CHD6: variants seen among roughly 807,000 people sequenced by gnomAD.
CHD6 encodes ATP-dependent chromatin remodeler CHD6.
A neutral mutation model predicts 276.9 loss-of-function variants in CHD6; 50 were observed. That is an observed-to-expected ratio of 0.18 (90% CI 0.14 to 0.23). The LOEUF is 0.23. CHD6 is among the 10% of genes least tolerant of loss of function. The pLI is 1.00. For synonymous variants in CHD6, 1,173 were observed against 1,229.3 expected (o/e 0.95, Z 0.96); for missense variants, 2,564 against 3,365.8 (o/e 0.76, Z 5.89).
chr20:41,489,644 C>G lies in CHD6; in HGVS notation c.1680+134G>C, dbSNP rs1395709786. On this transcript the variant is annotated intron_variant, in intron 12 of 36. Transcript: ENST00000373233. ...AGCTACCAGGGAGAGCAGGAGTCAGCCTTGACAAACATATTACAAAGTCAT... is the reference window on the plus strand; with the variant it reads ...AGCTACCAGGGAGAGCAGGAGTCAGGCTTGACAAACATATTACAAAGTCAT... 4.3e-6 allele frequency: 5 copies of G among 1,154,596 alleles called. No individual in the cohort carries two copies. The African/African-American group carries it at 7.6e-5, about 18-fold the overall frequency. The allele number at this position is 1,154,596 out of a possible 1,614,324, so 71.5% of individuals were successfully genotyped here. A position where few individuals can be genotyped will look rare whatever the true frequency, so the allele number is the denominator to read the frequency against.
chr20:41,449,155 G>C (rs1419671215), intron 23 of CHD6, among the ~76,000 whole-genome samples: 1 of 152,102 alleles, frequency 6.6e-6, no homozygotes, highest in African/African-American at 2.4e-5. Flanking sequence ...CACCCGCCCC[G>C]GCCTCCCAAA....
intron 3 of CHD6, among the ~76,000 whole-genome samples, chr20:41,525,108 C>T (rs1427777857): frequency 1.3e-5 from 2 of 152,156 alleles, no homozygotes; most frequent in African/African-American, 2.4e-5. Flanking sequence ...CAAGCCTCGC[C>T]CCTGAATAGG....
chr20:41,561,791 C>T (rs553028345), intron 1 of CHD6, among the ~76,000 whole-genome samples: 3 of 152,176 alleles, frequency 2.0e-5, no homozygotes, highest in Non-Finnish European at 4.4e-5. Flanking sequence ...TGTTCTATTC[C>T]TTCCACCACT....
rs144907115 is a variant in CHD6 at position 41,446,147 on chromosome 20, G to C, written c.3774-379C>G. Among the ~76,000 whole-genome samples the C allele has an allele frequency of 2.8e-3, 426 of 152,288 alleles. 2 individuals carry two copies. Among genetic ancestry groups the C allele is most frequent in the Middle Eastern group, 0.024 (7 of 294 alleles). ...ACATCTGAAGGTAGAGCTTCCCCAA[G>C]AGTTGAATTCATACATGATTGTATG... On this transcript the variant is annotated intron_variant, in intron 24 of 36. Transcript: ENST00000373233.
chr20:41,474,844 G>C (rs540810422), intron 16 of CHD6, among the ~76,000 whole-genome samples: 1 of 152,264 alleles, frequency 6.6e-6, no homozygotes, highest in Non-Finnish European at 1.5e-5. Flanking sequence ...AGACTTATAA[G>C]GGACATGTAT....
rs1359864742 is a variant in CHD6 at position 41,415,583 on chromosome 20, T to A, written c.6542A>T (p.Tyr2181Phe). The change falls in exon 34 of 37, where the codon TAT becomes TTT. Residue 2181 changes from tyrosine to phenylalanine, a missense_variant. Physicochemically the swap from Tyr to Phe is conservative, Grantham distance 22. Coordinates refer to ENST00000373233, the MANE Select transcript of CHD6 (RefSeq NM_032221.5). Reference sequence around the variant, plus strand: ...TGCATCCCTCTCCACCTCAAACTCATAGGGACGCCTGTGCTTTTGTTCATC... The same window carrying A: ...TGCATCCCTCTCCACCTCAAACTCAAAGGGACGCCTGTGCTTTTGTTCATC... The part of the protein sequence containing the change: ...TKDEQKHRRP[Y>F]EFEVERDAKA... The A allele has an allele frequency of 6.2e-7, 1 of 1,612,464 alleles. No individual in the cohort carries two copies. Among genetic ancestry groups the A allele is most frequent in the Admixed American group, 1.7e-5 (1 of 59,772 alleles).
chr20:41,425,099 C>G, intron 29 of CHD6, 79 bp downstream of exon 29: 1 of 1,127,422 alleles, frequency 8.9e-7, no homozygotes, highest in Non-Finnish European at 1.3e-6. Flanking sequence ...TATACTCGCC[C>G]TCCAAGCTAC....
chr20:41,456,274 C>T (rs1044166283), intron 18 of CHD6, among the ~76,000 whole-genome samples: 3 of 151,964 alleles, frequency 2.0e-5, no homozygotes, highest in Non-Finnish European at 4.4e-5. Context: ...AACTATGCAT[C>T]ATTGAAGATG....
At chr20:41,470,319 C>A (rs2043025164) in intron 17 of CHD6, among the ~76,000 whole-genome samples, 1 of 151,690 alleles carries the variant, frequency 6.6e-6, no homozygotes, top group African/African-American at 2.4e-5. Context: ...CTACATTTCT[C>A]AATTCCTTCA....
intron 1 of CHD6, among the ~76,000 whole-genome samples, chr20:41,606,420 G>A (rs1315785753): frequency 3.3e-5 from 5 of 152,052 alleles, no homozygotes; most frequent in South Asian, 2.1e-4. Context: ...AGGCTGAGGC[G>A]GGAGAATGGC....
At position 41,440,061 on chromosome 20, in the gene CHD6, C is replaced by T. The variant is rs772561942; in HGVS notation, c.3946G>A (p.Asp1316Asn). 9.9e-6 allele frequency: 16 copies of T among 1,613,820 alleles called. No individual in the cohort carries two copies. The highest frequency in any genetic ancestry group is 2.2e-5 in the South Asian group (2 of 91,084). The change falls in exon 26 of 37, where the codon GAT becomes AAT. Residue 1316 changes from aspartate to asparagine, a missense_variant. By Grantham distance (23) the Asp-to-Asn change is conservative. Transcript: ENST00000373233. Reference protein sequence around the residue: ...LCFLEKVGMPDEKSLSAEQGV... With the variant: ...LCFLEKVGMPNEKSLSAEQGV... The stretch of plus-strand genomic sequence containing the variant: ...TGTTCTGCAGAAAGGGACTTCTCAT[C>T]GGGCATCCCAACTTTCTCCAGGAAG...
intron 8 of CHD6, 50 bp downstream of exon 8, chr20:41,497,334 A>G: frequency 8.7e-7 from 1 of 1,145,012 alleles, no homozygotes; most frequent in Non-Finnish European, 1.3e-6. Context: ...CACAGTATTT[A>G]CTGCTGCAAG....
chr20:41,470,271 T>C (rs1451430786), intron 17 of CHD6, among the ~76,000 whole-genome samples: 1 of 151,952 alleles, frequency 6.6e-6, no homozygotes, highest in Non-Finnish European at 1.5e-5. Flanking sequence ...TCCCACTAAC[T>C]AATAGCCACT....
intron 1 of CHD6, among the ~76,000 whole-genome samples, chr20:41,596,126 C>T (rs1464726348): frequency 6.6e-6 from 1 of 152,190 alleles, no homozygotes; most frequent in African/African-American, 2.4e-5. Context: ...CCCCACATTC[C>T]TATGGAGTAG....
At chr20:41,547,332 T>C (rs2045061433) in intron 2 of CHD6, 1 of 190,668 alleles carries the variant, frequency 5.2e-6, no homozygotes, top group Non-Finnish European at 1.1e-5. Context: ...AAAACAAGGC[T>C]GGCTTTTGTC....
intron 1 of CHD6, among the ~76,000 whole-genome samples, chr20:41,591,769 G>A (rs1460992136): frequency 6.6e-6 from 1 of 152,026 alleles, no homozygotes. Context: ...CAGATGGAAG[G>A]TGCCGATAAA....
chr20:41,434,245 A>T (rs1048118923), intron 27 of CHD6, among the ~76,000 whole-genome samples: 5 of 152,362 alleles, frequency 3.3e-5, no homozygotes, highest in Non-Finnish European at 1.5e-5. Context: ...TGCAAACATT[A>T]ATCAAGGGAA....
intron 24 of CHD6, among the ~76,000 whole-genome samples, chr20:41,447,114 C>T (rs140550818): frequency 1.3e-5 from 2 of 152,264 alleles, no homozygotes; most frequent in Non-Finnish European, 2.9e-5. Context: ...CCCCATGGGT[C>T]GGGTTGTCTA....
rs1341245910 is a variant in CHD6 at position 41,534,456 on chromosome 20, G to C, written c.34-886C>G. ...CCTGGCCCACCCTGGTAGTTACAGA[G>C]ACTGTAACATTCAGCTGCATATTCC... is the stretch of plus-strand genomic sequence containing the variant. On this transcript the variant is annotated intron_variant, in intron 2 of 36. Coordinates refer to ENST00000373233, the MANE Select transcript of CHD6 (RefSeq NM_032221.5). Among the ~76,000 whole-genome samples the C allele has an allele frequency of 2.0e-5, 3 of 152,036 alleles. No individual in the cohort carries two copies. In the East Asian group the frequency reaches 5.8e-4, roughly 29 times the overall value.
Sources: allele counts gnomAD v4.1 joint callset (sites outside exome capture counted in the v4.1 genomes callset), GRCh38; gene constraint gnomAD v4.1.1; transcripts MANE v1.5; gene names NCBI Gene and HGNC (gene_info 2026-07-23, HGNC 2026-07-21).